CBX5: variants seen among roughly 807,000 people sequenced by gnomAD.
The protein encoded by CBX5 is chromobox protein homolog 5.
Under a neutral mutation model 20.7 loss-of-function variants are expected in CBX5, and 7 were observed. The ratio of observed to expected loss-of-function variants is 0.34; its 90% CI spans 0.19 to 0.63. The LOEUF (loss-of-function observed/expected upper bound fraction) is 0.63. Among genes scored for constraint, CBX5 ranks in the 30% least tolerant of loss-of-function variants. The pLI is 0.75. For synonymous variants in CBX5, 78 were observed against 77.0 expected (o/e 1.01, Z -0.07); for missense variants, 110 against 224.1 (o/e 0.49, Z 3.25).
chr12:54,272,285 A>C (rs1464459861), intron 1 of CBX5: 2 of 152,220 alleles, frequency 1.3e-5, no homozygotes, highest in African/African-American at 4.8e-5. Flanking sequence ...TGAGTGTGTT[A>C]TAAAACCTGA....
At chr12:54,272,351 C>T (rs576225027) in intron 1 of CBX5, 2 of 152,172 alleles carry the variant, frequency 1.3e-5, no homozygotes, top group Non-Finnish European at 2.9e-5. Flanking sequence ...TATCTAGTGT[C>T]CTTCCTAGCA....
chr12:54,272,283 T>C (rs1191184211), intron 1 of CBX5: 1 of 152,204 alleles, frequency 6.6e-6, no homozygotes, highest in Non-Finnish European at 1.5e-5. Context: ...AATGAGTGTG[T>C]TATAAAACCT....
In CBX5 at chr12:54,245,722, G is replaced by A. The variant is rs188783943; in HGVS notation, c.425+393C>T. On this transcript the variant is annotated intron_variant, in intron 4 of 4. Coordinates refer to ENST00000209875, the MANE Select transcript of CBX5 (RefSeq NM_012117.3). Reference sequence around the variant, plus strand: ...AGGAGTATCGCTTGAACCCGGAGGCGGAGGTTGCGGTAAGCCGAGATCGCA... The same window carrying A: ...AGGAGTATCGCTTGAACCCGGAGGCAGAGGTTGCGGTAAGCCGAGATCGCA... Among the ~76,000 whole-genome samples, 341 of 152,148 alleles carry A rather than the reference G, an allele frequency of 2.2e-3. 4 individuals are homozygous for A. Among genetic ancestry groups the A allele is most frequent in the African/African-American group, 8.1e-3 (334 of 41,480 alleles).
rs558861275 is a variant in CBX5, at chr12:54,240,599, T to A, written c.*1156A>T. ...AGAAAAAGGGAAGAGCATTAATATT[T>A]TGGGGACTCTTGGTGGTAAATCCAG... is the stretch of plus-strand genomic sequence containing the variant. On this transcript the variant is annotated 3_prime_UTR_variant, in exon 5 of 5. Transcript: ENST00000209875. 1 of 152,210 alleles carries A rather than the reference T, an allele frequency of 6.6e-6. No homozygotes were observed. The highest frequency in any genetic ancestry group is 6.5e-5 in the Admixed American group (1 of 15,288). 9.4% of individuals were successfully genotyped at this position (152,210 alleles called of 1,614,324 possible).
chr12:54,254,787 A>G (rs1169423062), intron 2 of CBX5, among the ~76,000 whole-genome samples: 1 of 151,996 alleles, frequency 6.6e-6, no homozygotes, highest in Non-Finnish European at 1.5e-5. Context: ...CGGGAGAAGG[A>G]GGTTGCAGTG....
intron 3 of CBX5, among the ~76,000 whole-genome samples, chr12:54,248,480 G>A (rs964093751): frequency 2.0e-4 from 30 of 152,130 alleles, no homozygotes; most frequent in Admixed American, 1.8e-3. Context: ...TTTGGGGTCC[G>A]GGTGGTCCCC....
intron 3 of CBX5, 25 bp downstream of exon 3, chr12:54,252,016 T>A (rs1052375201): frequency 6.6e-7 from 1 of 1,524,180 alleles, no homozygotes; most frequent in East Asian, 2.4e-5. Flanking sequence ...GAATAGTTTT[T>A]GGGGAAAAGG....
rs1441960466 is a variant in CBX5 at position 54,238,726 on chromosome 12, C to G, written c.*3029G>C. 2 of 152,222 alleles carry G rather than the reference C, an allele frequency of 1.3e-5. No individual in the cohort carries two copies. Among genetic ancestry groups the G allele is most frequent in the Admixed American group, 1.3e-4 (2 of 15,282 alleles). 9.4% of individuals were successfully genotyped at this position (152,222 alleles called of 1,614,324 possible). On this transcript the variant is annotated 3_prime_UTR_variant, in exon 5 of 5. Transcript: ENST00000209875. ...CTTAACTTGAAGGCCATCTGCCCAG[C>G]CCAGCAATCAAAGGGCTGCTAAGCT...
At chr12:54,277,663 T>C (rs1250356142) in intron 1 of CBX5, among the ~76,000 whole-genome samples, 1 of 152,190 alleles carries the variant, frequency 6.6e-6, no homozygotes, top group Non-Finnish European at 1.5e-5. Context: ...TTAATAAAAA[T>C]TTCCTTTTAT....
At chr12:54,265,498 G>A (rs573186191) in intron 1 of CBX5, among the ~76,000 whole-genome samples, 1 of 152,164 alleles carries the variant, frequency 6.6e-6, no homozygotes, top group Non-Finnish European at 1.5e-5. Flanking sequence ...TAAATGGGCT[G>A]ATAACTATCA....
chr12:54,267,881 C>T lies in CBX5; in HGVS notation c.-42-10189G>A, dbSNP rs138881918. ...ACATCTGGCTGGGCATGGTGGTTCACGCCTATAATCCCAGCATTTTGGGAG... is the reference window on the plus strand; with the variant it reads ...ACATCTGGCTGGGCATGGTGGTTCATGCCTATAATCCCAGCATTTTGGGAG... On this transcript the variant is annotated intron_variant, in intron 1 of 4. Transcript: ENST00000209875. Among the ~76,000 whole-genome samples the T allele has an allele frequency of 8.5e-5, 13 of 152,278 alleles. No homozygotes were observed. The East Asian group carries it at 1.9e-3, about 23-fold the overall frequency.
intron 1 of CBX5, among the ~76,000 whole-genome samples, chr12:54,261,815 G>A (rs1943917788): frequency 6.6e-6 from 1 of 152,050 alleles, no homozygotes; most frequent in South Asian, 2.1e-4. Flanking sequence ...CATTTAAACG[G>A]GCTAAATAAA....
chr12:54,277,985 A>G (rs1421903832), intron 1 of CBX5, among the ~76,000 whole-genome samples: 1 of 152,170 alleles, frequency 6.6e-6, no homozygotes, highest in Non-Finnish European at 1.5e-5. Flanking sequence ...AGTAGCTGGG[A>G]CTACAGGAAC....
chr12:54,274,379 A>C (rs931201054), intron 1 of CBX5: 1 of 152,206 alleles, frequency 6.6e-6, no homozygotes, highest in Admixed American at 6.5e-5. Context: ...TTATATCAGG[A>C]GAAAAAGATG....
Position 54,237,782 on chromosome 12 carries a change from G to A in CBX5, c.*3973C>T, listed in dbSNP as rs1943637932. 1 of 154,538 alleles carries A rather than the reference G, an allele frequency of 6.5e-6. No homozygotes were observed. Among genetic ancestry groups the A allele is most frequent in the African/African-American group, 2.4e-5 (1 of 41,416 alleles). 9.6% of individuals were successfully genotyped at this position (154,538 alleles called of 1,614,324 possible). A position where few individuals can be genotyped will look rare whatever the true frequency, so the allele number is the denominator to read the frequency against. On this transcript the variant is annotated 3_prime_UTR_variant, in exon 5 of 5. Transcript: ENST00000209875. ...CCCCTCAAGTCTTTAGCAAAGTCAG[G>A]TATTACAGAGGACAGAGCAACAAAG... is the stretch of plus-strand genomic sequence containing the variant.
chr12:54,249,036 GC>G (rs967841399), intron 3 of CBX5, among the ~76,000 whole-genome samples: 21 of 152,140 alleles, frequency 1.4e-4, no homozygotes, highest in African/African-American at 5.1e-4. Flanking sequence ...CTGTGCACTG[GC>G]CAGTGGCTCC....
chr12:54,277,528 G>A (rs928732244), intron 1 of CBX5, among the ~76,000 whole-genome samples: 8 of 151,678 alleles, frequency 5.3e-5, no homozygotes, highest in African/African-American at 1.5e-4. Context: ...TAGTAGAGAC[G>A]GGTTTCACCT....
At position 54,246,162 on chromosome 12, in the gene CBX5, G is replaced by A. The variant is rs1592154995; in HGVS notation, c.378C>T (p.Ile126=). 1.9e-6 allele frequency: 3 copies of A among 1,613,698 alleles called. No homozygotes were observed. The highest frequency in any genetic ancestry group is 2.5e-6 in the Non-Finnish European group (3 of 1,179,654). ...CACCACAGGAATCTGTTGCCCCAAT[G>A]ATCTTTTCTGGTTCCAGTCCTCTCT... ...GFERGLEPEK[I]IGATDSCGDL... The change falls in exon 4 of 5, where the codon ATC becomes ATT. Residue 126 remains isoleucine, a synonymous_variant. Transcript: ENST00000209875.
chr12:54,257,961 G>T, intron 1 of CBX5: 1 of 258,432 alleles, frequency 3.9e-6, no homozygotes, highest in East Asian at 7.7e-5. Flanking sequence ...CAAAAGACAA[G>T]TAGTGTGGTA....
Sources: allele counts gnomAD v4.1 joint callset (sites outside exome capture counted in the v4.1 genomes callset), GRCh38; gene constraint gnomAD v4.1.1; transcripts MANE v1.5; gene names NCBI Gene and HGNC (gene_info 2026-07-23, HGNC 2026-07-21).